The following INTS9 variants were observed in gnomAD, a reference collection of about 807,000 sequenced individuals.
INTS9 encodes protein related to CPSF subunits of 74 kDa.
A neutral mutation model predicts 79.7 loss-of-function variants in INTS9; 55 were observed. The observed-to-expected ratio is 0.69, with a 90% confidence interval of 0.56 to 0.86. The LOEUF (loss-of-function observed/expected upper bound fraction) is 0.86, where lower values mean the gene tolerates loss of function less well. Ranked by LOEUF, INTS9 falls within the 40% of genes least tolerant of loss-of-function variation. INTS9 has a pLI of 0.00. For synonymous variants in INTS9, 319 were observed against 325.2 expected, an observed-to-expected ratio of 0.98 and a Z score of 0.20; for missense variants, 721 against 831.5, an observed-to-expected ratio of 0.87 and a Z score of 1.64.
chr8:28,864,985 C>CAA (rs767728666), intron 1 of INTS9, among the ~76,000 whole-genome samples: 15 of 65,100 alleles, frequency 2.3e-4, no homozygotes, highest in African/African-American at 4.9e-4. Context: ...GACACCGTCT[C>CAA]AAAAAAAAAA....
chr8:28,851,528 C>T (rs1354620040), intron 2 of INTS9, among the ~76,000 whole-genome samples: 3 of 152,024 alleles, frequency 2.0e-5, no homozygotes, highest in Non-Finnish European at 4.4e-5. Flanking sequence ...ACCTCTGCCT[C>T]CCGGGTCCAC....
chr8:28,860,261 T>C (rs1017431098), intron 1 of INTS9, among the ~76,000 whole-genome samples: 3 of 152,200 alleles, frequency 2.0e-5, no homozygotes, highest in African/African-American at 7.2e-5. Context: ...GAAACATTTC[T>C]CATGTTCTCC....
intron 6 of INTS9, among the ~76,000 whole-genome samples, chr8:28,820,237 C>A (rs1274002119): frequency 5.3e-5 from 8 of 152,210 alleles, no homozygotes; most frequent in Admixed American, 5.2e-4. Context: ...GATGCAGTTT[C>A]TTCCTAGCCT....
intron 6 of INTS9, among the ~76,000 whole-genome samples, chr8:28,816,368 G>C (rs1482664760): frequency 3.7e-5 from 5 of 135,706 alleles, no homozygotes; most frequent in African/African-American, 8.5e-5. Context: ...TGTTCTCATT[G>C]TTCAATTCCC....
At chr8:28,789,702 A>T (rs1018407420) in intron 10 of INTS9, among the ~76,000 whole-genome samples, 1 of 152,140 alleles carries the variant, frequency 6.6e-6, no homozygotes, top group African/African-American at 2.4e-5. Context: ...ATGGGTTCAG[A>T]CGAGATGCAA....
chr8:28,829,937 C>T (rs1806375972), intron 6 of INTS9, among the ~76,000 whole-genome samples: 1 of 152,078 alleles, frequency 6.6e-6, no homozygotes. Flanking sequence ...GGTCACCGGT[C>T]CACATTTTCC....
intron 8 of INTS9, among the ~76,000 whole-genome samples, chr8:28,811,042 G>A (rs1805085623): frequency 6.6e-6 from 1 of 152,114 alleles, no homozygotes; most frequent in African/African-American, 2.4e-5. Flanking sequence ...TTACTTTAGG[G>A]GCCCTTCACT....
rs552362266 is a variant in INTS9 at position 28,875,099 on chromosome 8, C to T, written c.9+14775G>A. 2.0e-5 allele frequency among the ~76,000 whole-genome samples: 3 copies of T among 152,240 alleles called. No homozygotes were observed. In the East Asian group the frequency reaches 5.8e-4, roughly 29 times the overall value. Reference sequence around the variant, plus strand: ...GAGAACAGCTCAGGAAAGACCCGCCCCCATGATTCAACCATCTCCCACCAA... The same window carrying T: ...GAGAACAGCTCAGGAAAGACCCGCCTCCATGATTCAACCATCTCCCACCAA... On this transcript the variant is annotated intron_variant, in intron 1 of 16. Transcript: ENST00000521022.
intron 10 of INTS9, among the ~76,000 whole-genome samples, chr8:28,789,112 G>A (rs1803781177): frequency 6.6e-6 from 1 of 152,120 alleles, no homozygotes; most frequent in Non-Finnish European, 1.5e-5. Context: ...GCTTTTGGAG[G>A]GTTACCTTAT....
intron 2 of INTS9, among the ~76,000 whole-genome samples, chr8:28,853,955 G>C (rs866062542): frequency 1.3e-5 from 2 of 152,048 alleles, no homozygotes; most frequent in African/African-American, 2.4e-5. Context: ...TCCTGACCTC[G>C]TGATCTGCCC....
Position 28,846,801 on chromosome 8 carries a change from C to T in INTS9, c.207G>A (p.Lys69=), listed in dbSNP as rs1807542945. The T allele has an allele frequency of 6.2e-7, 1 of 1,612,596 alleles. No individual in the cohort carries two copies. Among genetic ancestry groups the T allele is most frequent in the South Asian group, 1.1e-5 (1 of 91,056 alleles). ...DGNAFLDKEL[K]ECSGHVFVDS... ...CCACAAATACATGACCCGAGCACTCCTTTAGCTCCTAAAAGAAATGAAAAG... is the reference window on the plus strand; with the variant it reads ...CCACAAATACATGACCCGAGCACTCTTTTAGCTCCTAAAAGAAATGAAAAG... The change falls in exon 4 of 17, where the codon AAG becomes AAA. Residue 69 remains lysine, a synonymous_variant. Transcript: ENST00000521022.
intron 6 of INTS9, among the ~76,000 whole-genome samples, chr8:28,833,424 G>A (rs748627687): frequency 3.7e-4 from 56 of 151,640 alleles, no homozygotes; most frequent in Non-Finnish European, 4.7e-4. Flanking sequence ...GATCAAGACC[G>A]TCCTGGCCAA....
At chr8:28,772,274 C>G (rs1802593090) in intron 14 of INTS9, among the ~76,000 whole-genome samples, 1 of 152,182 alleles carries the variant, frequency 6.6e-6, no homozygotes, top group African/African-American at 2.4e-5. Context: ...CCTGTAATTC[C>G]AGCACTTTGG....
chr8:28,794,008 G>A, intron 9 of INTS9, 21 bp from the exon 10 acceptor site: 1 of 1,508,544 alleles, frequency 6.6e-7, no homozygotes, highest in South Asian at 1.3e-5. Flanking sequence ...GGATGCCAGA[G>A]GAGAAAAAAC....
chr8:28,826,964 AT>A (rs1806184243), intron 6 of INTS9, among the ~76,000 whole-genome samples: 1 of 152,182 alleles, frequency 6.6e-6, no homozygotes, highest in Non-Finnish European at 1.5e-5. Flanking sequence ...CTTTCTAGAT[AT>A]TTAGTTACTT....
At chr8:28,840,003 C>A (rs1369380907) in intron 4 of INTS9, among the ~76,000 whole-genome samples, 2 of 142,432 alleles carry the variant, frequency 1.4e-5, no homozygotes, top group African/African-American at 5.3e-5. Flanking sequence ...AGTGAACAGG[C>A]AACCTACAAA....
chr8:28,810,212 G>A (rs1226392350), intron 8 of INTS9: 1 of 153,676 alleles, frequency 6.5e-6, no homozygotes, highest in Non-Finnish European at 1.5e-5. Flanking sequence ...TATGCCAAGG[G>A]AAAGTGGCTT....
intron 2 of INTS9, among the ~76,000 whole-genome samples, chr8:28,856,088 G>A (rs549046886): frequency 6.6e-6 from 1 of 152,262 alleles, no homozygotes; most frequent in South Asian, 2.1e-4. Context: ...ATTGAGACAG[G>A]GTCAAGATGA....
At chr8:28,771,742 C>CA (rs1802552526) in intron 14 of INTS9, among the ~76,000 whole-genome samples, 1 of 152,272 alleles carries the variant, frequency 6.6e-6, no homozygotes, top group East Asian at 1.9e-4. Context: ...TCCCGTTCTT[C>CA]ACCTGAGGCC....
Sources: allele counts gnomAD v4.1 joint callset (sites outside exome capture counted in the v4.1 genomes callset), GRCh38; gene constraint gnomAD v4.1.1; transcripts MANE v1.5; gene names NCBI Gene and HGNC (gene_info 2026-07-23, HGNC 2026-07-21).